The following IFT43 variants were observed in gnomAD, a reference collection of about 807,000 sequenced individuals.
The protein encoded by IFT43 is intraflagellar transport protein 43 homolog.
In IFT43, 33 loss-of-function variants were observed where a neutral mutation model predicts 32.3. The observed-to-expected ratio is 1.02, with a 90% confidence interval of 0.77 to 1.37. The LOEUF is 1.37. Ranked by LOEUF, IFT43 falls within the 40% of genes most tolerant of loss-of-function variation. IFT43 has a pLI of 0.00. For synonymous variants in IFT43, 93 were observed against 98.2 expected (o/e 0.95, Z 0.31); for missense variants, 274 against 265.9 (o/e 1.03, Z -0.21).
intron 3 of IFT43, among the ~76,000 whole-genome samples, chr14:76,040,896 A>G (rs1204881714): frequency 6.6e-6 from 1 of 152,222 alleles, no homozygotes; most frequent in Non-Finnish European, 1.5e-5. Flanking sequence ...CTGCCTGTGC[A>G]TGTGTGCCAG....
At chr14:76,012,968 T>G (rs541138244) in intron 2 of IFT43, among the ~76,000 whole-genome samples, 6 of 152,350 alleles carry the variant, frequency 3.9e-5, no homozygotes, top group Non-Finnish European at 2.9e-5. Context: ...CTAATCCTTC[T>G]CTTCCATATA....
intron 2 of IFT43, among the ~76,000 whole-genome samples, chr14:76,021,925 G>T (rs983743720): frequency 6.6e-6 from 1 of 152,182 alleles, no homozygotes; most frequent in Non-Finnish European, 1.5e-5. Flanking sequence ...GATTGGTGTA[G>T]GTGACCTTAC....
chr14:76,047,005 T>C (rs2036819295), intron 3 of IFT43, among the ~76,000 whole-genome samples: 1 of 152,226 alleles, frequency 6.6e-6, no homozygotes, highest in African/African-American at 2.4e-5. Flanking sequence ...CTTGCTGCTA[T>C]GGACTCACAT....
At chr14:75,997,631 A>G (rs1263921366) in intron 2 of IFT43, among the ~76,000 whole-genome samples, 5 of 152,352 alleles carry the variant, frequency 3.3e-5, no homozygotes, top group Non-Finnish European at 1.5e-5. Context: ...GAAACTTTTC[A>G]TGGGAATGAT....
In IFT43 at chr14:76,059,377, A is replaced by C. The variant is rs757286927; in HGVS notation, c.295+4A>C. The C allele has an allele frequency of 4.3e-6, 7 of 1,613,808 alleles. No homozygotes were observed. The highest frequency in any genetic ancestry group is 1.6e-4 in the Middle Eastern group (1 of 6,082). ...AATGGATCAGATTATGGAGGAGGTA[A>C]GAGGCCCTTGGAGGAAGTCAAAAGG... On this transcript the variant is annotated splice_donor_region_variant and intron_variant, in intron 5 of 8. Transcript: ENST00000314067.
chr14:76,021,150 G>A (rs193056256), intron 2 of IFT43, among the ~76,000 whole-genome samples: 1 of 152,092 alleles, frequency 6.6e-6, no homozygotes, highest in African/African-American at 2.4e-5. Flanking sequence ...GGTGGGTGGG[G>A]TCAGCCTATC....
Position 76,059,102 on chromosome 14 carries a change from C to T in IFT43, c.249-225C>T, listed in dbSNP as rs565491102. 2.8e-3 allele frequency: 4,089 copies of T among 1,459,286 alleles called. 7 individuals carry two copies. Among genetic ancestry groups the T allele is most frequent in the Non-Finnish European group, 3.4e-3 (3,715 of 1,108,248 alleles). The allele number at this position is 1,459,286 out of a possible 1,614,324, so 90.4% of individuals were successfully genotyped here. A position where few individuals can be genotyped will look rare whatever the true frequency, so the allele number is the denominator to read the frequency against. ...CCAGGGGCGGAAGCTGCATTCATGTCATAGCCTCTGTGATGCTGTCCTCTG... is the reference window on the plus strand; with the variant it reads ...CCAGGGGCGGAAGCTGCATTCATGTTATAGCCTCTGTGATGCTGTCCTCTG... On this transcript the variant is annotated intron_variant, in intron 4 of 8. Coordinates refer to ENST00000314067, the MANE Select transcript of IFT43 (RefSeq NM_001102564.3).
chr14:76,059,779 C>T (rs971850465), intron 5 of IFT43, among the ~76,000 whole-genome samples: 1 of 152,182 alleles, frequency 6.6e-6, no homozygotes, highest in African/African-American at 2.4e-5. Context: ...CATGTTAAAG[C>T]ATTTTCTCTC....
At chr14:76,052,428 C>T (rs1385127452) in intron 3 of IFT43, among the ~76,000 whole-genome samples, 1 of 152,144 alleles carries the variant, frequency 6.6e-6, no homozygotes, top group Non-Finnish European at 1.5e-5. Flanking sequence ...CGGCCTCTTC[C>T]CCAGAAGTTC....
intron 2 of IFT43, among the ~76,000 whole-genome samples, chr14:75,989,436 G>A (rs2035594756): frequency 6.6e-6 from 1 of 152,070 alleles, no homozygotes; most frequent in Admixed American, 6.5e-5. Context: ...GAGTAGCCTG[G>A]AATTATGGGA....
intron 3 of IFT43, among the ~76,000 whole-genome samples, chr14:76,056,168 G>A (rs1388299041): frequency 1.3e-5 from 2 of 152,224 alleles, no homozygotes; most frequent in African/African-American, 4.8e-5. Flanking sequence ...CCAGTGTTCG[G>A]TCTGTGACCC....
chr14:76,015,804 T>C (rs60147970), intron 2 of IFT43, among the ~76,000 whole-genome samples: 2,137 of 152,318 alleles, frequency 0.014, 57 homozygotes, highest in African/African-American at 0.045. Flanking sequence ...TCTTAGGGAA[T>C]GCTATTAACC....
chr14:76,021,268 G>A (rs2036285732), intron 2 of IFT43, among the ~76,000 whole-genome samples: 1 of 152,168 alleles, frequency 6.6e-6, no homozygotes, highest in Non-Finnish European at 1.5e-5. Flanking sequence ...AGCAGTGGCA[G>A]GGGTTGGTGT....
intron 3 of IFT43, among the ~76,000 whole-genome samples, chr14:76,046,239 C>T (rs775154840): frequency 5.3e-5 from 8 of 151,992 alleles, no homozygotes; most frequent in African/African-American, 9.7e-5. Context: ...AGAAATTGAG[C>T]GGTAAATTAA....
chr14:76,052,876 A>G (rs760028338), intron 3 of IFT43, among the ~76,000 whole-genome samples: 7 of 152,216 alleles, frequency 4.6e-5, no homozygotes, highest in East Asian at 1.9e-4. Flanking sequence ...CAGCCCTACT[A>G]TAAGTTGAAA....
intron 5 of IFT43, among the ~76,000 whole-genome samples, chr14:76,063,009 A>G (rs1303455711): frequency 6.6e-6 from 1 of 151,578 alleles, no homozygotes; most frequent in African/African-American, 2.4e-5. Context: ...AGCAGTTAAT[A>G]TATTTTCTTA....
intron 2 of IFT43, among the ~76,000 whole-genome samples, chr14:75,996,782 G>C (rs927629224): frequency 2.0e-5 from 3 of 152,250 alleles, no homozygotes; most frequent in African/African-American, 4.8e-5. Flanking sequence ...TCTGGGGGCA[G>C]ATGAGTAGAA....
chr14:76,083,897 C>T (rs1243207375), downstream of IFT43: 1 of 508,364 alleles, frequency 2.0e-6, no homozygotes, highest in Non-Finnish European at 3.8e-6. Flanking sequence ...GGCACTCCTA[C>T]TGAAAGCTGT....
intron 5 of IFT43, among the ~76,000 whole-genome samples, chr14:76,081,519 G>A (rs919299094): frequency 6.6e-6 from 1 of 152,180 alleles, no homozygotes; most frequent in Non-Finnish European, 1.5e-5. Context: ...ACAATTTTTG[G>A]TCACTTAAGC....
Sources: allele counts gnomAD v4.1 joint callset (sites outside exome capture counted in the v4.1 genomes callset), GRCh38; gene constraint gnomAD v4.1.1; transcripts MANE v1.5; gene names NCBI Gene and HGNC (gene_info 2026-07-23, HGNC 2026-07-21).